Variants in TTC29 observed in about 807,000 individuals in gnomAD.
TTC29 encodes the protein tetratricopeptide repeat domain 29.
TTC29 carries 49 observed loss-of-function variants against 58.1 expected under a neutral mutation model. The ratio of observed to expected loss-of-function variants is 0.84; its 90% CI spans 0.67 to 1.07. TTC29 has a LOEUF of 1.07. Among genes scored for constraint, TTC29 ranks in the 50% least tolerant of loss-of-function variants. TTC29 has a pLI of 0.00. For synonymous variants in TTC29, 209 were observed against 196.8 expected, an observed-to-expected ratio of 1.06 and a Z score of -0.52; for missense variants, 582 against 555.6, an observed-to-expected ratio of 1.05 and a Z score of -0.48.
intron 11 of TTC29, among the ~76,000 whole-genome samples, chr4:146,774,613 T>A (rs1463277201): frequency 1.3e-5 from 2 of 152,114 alleles, no homozygotes; most frequent in East Asian, 3.8e-4. Flanking sequence ...TTTTTTGAAT[T>A]TGTGGAGGAT....
At chr4:146,845,714 G>A (rs1324180190) in intron 8 of TTC29, among the ~76,000 whole-genome samples, 7 of 152,022 alleles carry the variant, frequency 4.6e-5, no homozygotes, top group African/African-American at 1.7e-4. Context: ...CTAAGGAATG[G>A]GCCCAGCTCT....
At chr4:146,899,394 G>A (rs531361576) in intron 6 of TTC29, among the ~76,000 whole-genome samples, 11 of 152,252 alleles carry the variant, frequency 7.2e-5, no homozygotes, top group African/African-American at 1.4e-4. Context: ...CTGCTTGTCC[G>A]TTTGTCCTGT....
At chr4:146,848,434 T>G (rs1174275437) in intron 8 of TTC29, among the ~76,000 whole-genome samples, 2 of 152,210 alleles carry the variant, frequency 1.3e-5, no homozygotes, top group Non-Finnish European at 2.9e-5. Context: ...ATAAAGAGGC[T>G]TGGGACAGAG....
chr4:146,912,096 C>A (rs1482219369), intron 4 of TTC29, among the ~76,000 whole-genome samples: 1 of 150,056 alleles, frequency 6.7e-6, no homozygotes, highest in Admixed American at 6.6e-5. Context: ...CTAACAATAG[C>A]TGATAAGCTA....
intron 11 of TTC29, among the ~76,000 whole-genome samples, chr4:146,763,584 A>AAGGC (rs1260271796): frequency 6.6e-6 from 1 of 152,132 alleles, no homozygotes; most frequent in South Asian, 2.1e-4. Context: ...TAGTGCTCTT[A>AAGGC]AGGCAACACG....
intron 6 of TTC29, 91 bp downstream of exon 6, chr4:146,903,453 T>C (rs1306814568): frequency 1.7e-6 from 2 of 1,165,112 alleles, no homozygotes; most frequent in East Asian, 5.3e-5. Context: ...AAATCTCAGG[T>C]CTTTTTTCTC....
At chr4:146,713,761 C>T (rs1234814574) in intron 11 of TTC29, among the ~76,000 whole-genome samples, 1 of 151,984 alleles carries the variant, frequency 6.6e-6, no homozygotes, top group African/African-American at 2.4e-5. Context: ...TTTAACCTTA[C>T]ACACCATTAT....
chr4:146,800,848 G>A (rs564540786), intron 11 of TTC29, among the ~76,000 whole-genome samples: 2 of 152,130 alleles, frequency 1.3e-5, no homozygotes, highest in East Asian at 3.9e-4. Context: ...CCCTTAATCA[G>A]GCAGTTAAGG....
chr4:146,742,631 CG>C (rs1338929976), intron 11 of TTC29, among the ~76,000 whole-genome samples: 8 of 87,736 alleles, frequency 9.1e-5, no homozygotes, highest in East Asian at 4.6e-4. Context: ...TTCCTTCCTT[CG>C]TTTCCTTCCT....
At chr4:146,801,752 A>G (rs1172318373) in intron 11 of TTC29, among the ~76,000 whole-genome samples, 3 of 152,006 alleles carry the variant, frequency 2.0e-5, no homozygotes, top group Non-Finnish European at 4.4e-5. Flanking sequence ...CAAGATGGGT[A>G]GATCATGCGA....
At chr4:146,944,449 C>T (rs1042005301) in intron 2 of TTC29, 1 of 152,174 alleles carries the variant, frequency 6.6e-6, no homozygotes, top group Non-Finnish European at 1.5e-5. Flanking sequence ...AATTTTTGGC[C>T]CCCAAGTAAA....
chr4:146,903,523 T>C (rs1733299047), intron 6 of TTC29, 21 bp downstream of exon 6: 1 of 1,584,174 alleles, frequency 6.3e-7, no homozygotes, highest in South Asian at 1.2e-5. Flanking sequence ...ACCCAAGGCA[T>C]CCTGGCAAAT....
chr4:146,879,852 A>G (rs1731507525), intron 6 of TTC29, among the ~76,000 whole-genome samples: 1 of 152,284 alleles, frequency 6.6e-6, no homozygotes, highest in South Asian at 2.1e-4. Flanking sequence ...AAACAGGACA[A>G]AAAAAGAAGG....
Position 146,945,838 on chromosome 4 carries a change from G to C in TTC29, c.-183C>G, listed in dbSNP as rs972154350. 2.0e-5 allele frequency: 3 copies of C among 152,312 alleles called. No individual in the cohort carries two copies. The highest frequency in any genetic ancestry group is 7.2e-5 in the African/African-American group (3 of 41,466). The allele number at this position is 152,312 out of a possible 1,614,324, so 9.4% of individuals were successfully genotyped here. A position where few individuals can be genotyped will look rare whatever the true frequency, so the allele number is the denominator to read the frequency against. Reference sequence around the variant, plus strand: ...AGTGATTCCGAAGCCTGGCTCCGCCGGAGCGGAGACAGGGGACGCCGAGAG... The same window carrying C: ...AGTGATTCCGAAGCCTGGCTCCGCCCGAGCGGAGACAGGGGACGCCGAGAG... On this transcript the variant is annotated 5_prime_UTR_variant, in exon 1 of 13. Transcript: ENST00000325106.
At chr4:146,844,603 A>G (rs1366142989) in intron 8 of TTC29, among the ~76,000 whole-genome samples, 1 of 151,528 alleles carries the variant, frequency 6.6e-6, no homozygotes, top group Admixed American at 6.6e-5. Flanking sequence ...CTGGTCTTGA[A>G]CTCCTGGGCT....
At chr4:146,843,724 A>G (rs991535576) in intron 8 of TTC29, among the ~76,000 whole-genome samples, 1 of 152,176 alleles carries the variant, frequency 6.6e-6, no homozygotes, top group Non-Finnish European at 1.5e-5. Context: ...GGTATCTTTA[A>G]TAATCAAACA....
chr4:146,775,997 T>G (rs1332720313), intron 11 of TTC29, among the ~76,000 whole-genome samples: 1 of 152,184 alleles, frequency 6.6e-6, no homozygotes, highest in Non-Finnish European at 1.5e-5. Context: ...ATCTTTATTG[T>G]TTTTTCTTTA....
At chr4:146,936,815 A>G (rs1735864897) in intron 4 of TTC29, among the ~76,000 whole-genome samples, 1 of 152,092 alleles carries the variant, frequency 6.6e-6, no homozygotes. Flanking sequence ...ACAAATTAAT[A>G]GAGAGAATCT....
intron 2 of TTC29, among the ~76,000 whole-genome samples, chr4:146,944,752 C>G (rs1736763910): frequency 6.6e-6 from 1 of 151,940 alleles, no homozygotes; most frequent in South Asian, 2.1e-4. Context: ...TATCCAAGCT[C>G]TTTTACTATG....
Sources: gnomAD v4.1 joint callset for allele counts (sites outside exome capture counted in the v4.1 genomes callset) on GRCh38, gnomAD v4.1.1 for gene constraint, MANE v1.5 for transcripts, NCBI Gene and HGNC (gene_info 2026-07-23, HGNC 2026-07-21) for gene names.